B3GNT3: variants seen among roughly 807,000 people sequenced by gnomAD.
B3GNT3 encodes the protein UDP-GlcNAc:betaGal beta-1,3-N-acetylglucosaminyltransferase 3.
Under a neutral mutation model 11.6 loss-of-function variants are expected in B3GNT3, and 7 were observed. That is an observed-to-expected ratio of 0.60 (90% confidence interval 0.34 to 1.13). The LOEUF (loss-of-function observed/expected upper bound fraction) is 1.13. Among genes scored for constraint, B3GNT3 ranks in the 50% most tolerant of loss-of-function variants. B3GNT3 has a pLI of 0.03. For synonymous variants in B3GNT3, 201 were observed against 222.1 expected, an observed-to-expected ratio of 0.90 and a Z score of 0.85; for missense variants, 400 against 507.4, an observed-to-expected ratio of 0.79 and a Z score of 2.03.
chr19:17,809,875 C>A (rs1267316120), intron 2 of B3GNT3, among the ~76,000 whole-genome samples: 1 of 152,052 alleles, frequency 6.6e-6, no homozygotes, highest in African/African-American at 2.4e-5. Context: ...CAAGTAGAGA[C>A]AACATTTTCA....
rs1599848383 is a variant in B3GNT3 at position 17,807,925 on chromosome 19, C to G, written c.118C>G (p.Pro40Ala). Residue 40 changes from proline (P) to alanine (A), a missense_variant, in exon 2 of 3, where the codon CCA becomes GCA. By Grantham distance (27) the Pro-to-Ala change is conservative (BLOSUM62 -1). Coordinates refer to ENST00000318683, the MANE Select transcript of B3GNT3 (RefSeq NM_014256.4). ...SPPTCKVQEQ[P>A]PAIPEALAWP... The stretch of plus-strand genomic sequence containing the variant: ...ACCCACCTGCAAGGTCCAGGAGCAG[C>G]CACCGGCGATCCCCGAGGCCCTGGC... 1.2e-6 allele frequency: 2 copies of G among 1,613,470 alleles called. No homozygotes were observed. The highest frequency in any genetic ancestry group is 4.5e-5 in the East Asian group (2 of 44,860).
chr19:17,806,750 G>A (rs918947921), intron 1 of B3GNT3, among the ~76,000 whole-genome samples: 6 of 151,944 alleles, frequency 3.9e-5, no homozygotes, highest in African/African-American at 1.5e-4. Context: ...TCAGGAGATC[G>A]AGACCATCCT....
intron 1 of B3GNT3, among the ~76,000 whole-genome samples, chr19:17,796,300 C>G (rs557084747): frequency 6.6e-6 from 1 of 152,278 alleles, no homozygotes; most frequent in African/African-American, 2.4e-5. Flanking sequence ...ACTATGTTGT[C>G]CAGGCTGGTC....
rs1477381770 is a variant in B3GNT3 at position 17,812,104 on chromosome 19, T to C, written c.1101T>C (p.Asn367=). 1.1e-5 allele frequency: 17 copies of C among 1,596,228 alleles called. No homozygotes were observed. Among genetic ancestry groups the C allele is most frequent in the Non-Finnish European group, 1.2e-5 (14 of 1,178,618 alleles). Residue 367 remains asparagine, a synonymous_variant, in exon 3 of 3, where the codon AAT becomes AAC. Transcript: ENST00000318683. ...ALNQPNLTCG[N]QTQIY is the part of the protein sequence containing the mutation. ...ACCAGCCCAACCTCACCTGCGGCAA[T>C]CAGACACAGATCTACTGAGTCAGCA...
chr19:17,796,986 G>A (rs959632365), intron 1 of B3GNT3, among the ~76,000 whole-genome samples: 2 of 152,112 alleles, frequency 1.3e-5, no homozygotes, highest in African/African-American at 4.8e-5. Context: ...TCCTCATGAT[G>A]GTGAGGTCAC....
intron 1 of B3GNT3, among the ~76,000 whole-genome samples, chr19:17,797,785 G>A (rs62123687): frequency 1.3e-5 from 2 of 151,984 alleles, no homozygotes; most frequent in African/African-American, 4.8e-5. Context: ...ACTAAAGCAG[G>A]GTCCGGCCAT....
intron 1 of B3GNT3, among the ~76,000 whole-genome samples, chr19:17,802,003 G>A (rs1410243648): frequency 2.0e-5 from 3 of 151,846 alleles, no homozygotes; most frequent in South Asian, 2.1e-4. Flanking sequence ...CAGGATAATC[G>A]CTTGAACCTG....
intron 2 of B3GNT3, among the ~76,000 whole-genome samples, chr19:17,809,110 A>G (rs2094177469): frequency 6.6e-6 from 1 of 152,092 alleles, no homozygotes; most frequent in African/African-American, 2.4e-5. Context: ...CTGGGATTAC[A>G]GGCGTGAGCC....
chr19:17,812,714 TGGA>T lies in B3GNT3; in HGVS notation c.*595_*597del, dbSNP rs2094182771. ...CTTGTGGGATCAAATGCTGTAATGG[TGGA>T]GGTGTGGGCAGAGGAGGGAGGCAAG... On this transcript the variant is annotated 3_prime_UTR_variant, in exon 3 of 3. Transcript: ENST00000318683. 6.8e-6 allele frequency: 1 copy of T among 147,572 alleles called. No individual in the cohort carries two copies. Among genetic ancestry groups the T allele is most frequent in the Non-Finnish European group, 1.5e-5 (1 of 67,456 alleles). 9.1% of individuals were successfully genotyped at this position (147,572 alleles called of 1,614,324 possible).
intron 1 of B3GNT3, among the ~76,000 whole-genome samples, chr19:17,806,901 G>A (rs148954793): frequency 0.011 from 1,676 of 148,112 alleles, 34 homozygotes; most frequent in African/African-American, 0.04. Context: ...GAAGTGAGCC[G>A]AGATTGTGCC....
chr19:17,804,232 TTTTTTTTC>T (rs1357166094), intron 1 of B3GNT3, among the ~76,000 whole-genome samples: 14 of 142,642 alleles, frequency 9.8e-5, no homozygotes, highest in Admixed American at 3.4e-4. Flanking sequence ...TCTTTCTTTC[TTTTTTTTC>T]TTTTTTTTTT....
Position 17,811,596 on chromosome 19 carries a change from C to A in B3GNT3, c.593C>A (p.Thr198Lys), listed in dbSNP as rs2094180751. The A allele has an allele frequency of 6.2e-7, 1 of 1,612,834 alleles. No individual in the cohort carries two copies. The highest frequency in any genetic ancestry group is 1.7e-5 in the Admixed American group (1 of 59,964). The change falls in exon 3 of 3, where the codon ACA becomes AAA. Residue 198 changes from threonine (T) to lysine (K), a missense_variant. Coordinates refer to ENST00000318683, the MANE Select transcript of B3GNT3 (RefSeq NM_014256.4). The surrounding 1 kb of genome is among the most constrained non-coding windows in gnomAD (Gnocchi z 4.1). The part of the protein sequence containing the change: ...KQVLFLQWQE[T>K]RCANASFVLN... Reference sequence around the variant, plus strand: ...GTCCTGTTCTTACAGTGGCAGGAGACAAGGTGCGCCAACGCCAGCTTCGTG... The same window carrying A: ...GTCCTGTTCTTACAGTGGCAGGAGAAAAGGTGCGCCAACGCCAGCTTCGTG...
intron 1 of B3GNT3, among the ~76,000 whole-genome samples, chr19:17,807,478 C>T (rs10411007): frequency 0.044 from 5,963 of 134,608 alleles, 422 homozygotes; most frequent in African/African-American, 0.15. Flanking sequence ...GGCAACAGAA[C>T]AAGAGAGAGA....
intron 1 of B3GNT3, among the ~76,000 whole-genome samples, chr19:17,806,107 A>G (rs1829480148): frequency 1.3e-5 from 2 of 151,192 alleles, no homozygotes; most frequent in African/African-American, 2.4e-5. Flanking sequence ...AGTTGGGACT[A>G]CAGGCACCCA....
At chr19:17,808,481 C>T (rs1434696704) in intron 2 of B3GNT3, 107 bp downstream of exon 2, 13 of 1,187,376 alleles carry the variant, frequency 1.1e-5, no homozygotes, top group South Asian at 1.6e-5. Context: ...CAGTCCATCA[C>T]AGCCCATTCT....
intron 2 of B3GNT3, among the ~76,000 whole-genome samples, chr19:17,810,906 T>A (rs1008903705): frequency 1.4e-5 from 2 of 146,518 alleles, no homozygotes; most frequent in Non-Finnish European, 3.0e-5. Context: ...ATAATAATAA[T>A]AAAATAAAAA....
Position 17,807,643 on chromosome 19 carries a change from G to T in B3GNT3, c.-50-115G>T, listed in dbSNP as rs148236192. On this transcript the variant is annotated intron_variant, in intron 1 of 2. Transcript: ENST00000318683. ...AAGGGGTGGAGGAGTTAAGTGGGGG[G>T]TGAATTTCAATATTTTGCCAACCTG... is the stretch of plus-strand genomic sequence containing the variant. 1.9e-3 allele frequency: 1,249 copies of T among 656,068 alleles called. 2 individuals are homozygous for T. Among genetic ancestry groups the T allele is most frequent in the Middle Eastern group, 3.0e-3 (7 of 2,370 alleles). The allele number at this position is 656,068 out of a possible 1,614,324, so 40.6% of individuals were successfully genotyped here. A position where few individuals can be genotyped will look rare whatever the true frequency, so the allele number is the denominator to read the frequency against.
chr19:17,804,256 T>C (rs78411967), intron 1 of B3GNT3, among the ~76,000 whole-genome samples: 1 of 148,722 alleles, frequency 6.7e-6, no homozygotes, highest in Non-Finnish European at 1.5e-5. Flanking sequence ...TTTTTTTTTT[T>C]TGAGACAGAG....
chr19:17,805,106 A>AATTTTTTTTT (rs1555739659), intron 1 of B3GNT3, among the ~76,000 whole-genome samples: 2 of 132,068 alleles, frequency 1.5e-5, no homozygotes, highest in Admixed American at 7.8e-5. Context: ...GACCACAGGG[A>AATTTTTTTTT]TTTTTTTTTT....
Sources: gnomAD v4.1 joint callset for allele counts (sites outside exome capture counted in the v4.1 genomes callset) on GRCh38, gnomAD v4.1.1 for gene constraint, Gnocchi (gnomAD v3.1) non-coding constraint, MANE v1.5 for transcripts, NCBI Gene and HGNC (gene_info 2026-07-23, HGNC 2026-07-21) for gene names.